MYO5A: variants seen among roughly 807,000 people sequenced by gnomAD.
MYO5A encodes the protein unconventional myosin-Va.
In MYO5A, 98 loss-of-function variants were observed where a neutral mutation model predicts 249.7. That is an observed-to-expected ratio of 0.39 (90% CI 0.33 to 0.46). The LOEUF (loss-of-function observed/expected upper bound fraction) is 0.46. MYO5A is among the 20% of genes least tolerant of loss of function. The pLI, the probability that MYO5A is intolerant of heterozygous loss-of-function variation, is 0.98. For synonymous variants in MYO5A, 778 were observed against 810.6 expected, an observed-to-expected ratio of 0.96 and a Z score of 0.68; for missense variants, 1,696 against 2,308.8, an observed-to-expected ratio of 0.73 and a Z score of 5.44.
intron 1 of MYO5A, among the ~76,000 whole-genome samples, chr15:52,500,855 C>CA (rs1432960629): frequency 2.0e-5 from 3 of 152,086 alleles, no homozygotes; most frequent in Non-Finnish European, 4.4e-5. Flanking sequence ...CTAATCCCAA[C>CA]ACCAAAAAAT....
In MYO5A at chr15:52,492,950, A is replaced by G. The variant is rs898938587; in HGVS notation, c.27+35830T>C. On this transcript the variant is annotated intron_variant, in intron 1 of 41. Transcript: ENST00000399233. ...TAAACATAGGAGAAAACTCAGAGATAGTGCTTAGGCTATGAGTCAACAGAG... is the reference window on the plus strand; with the variant it reads ...TAAACATAGGAGAAAACTCAGAGATGGTGCTTAGGCTATGAGTCAACAGAG... Among the ~76,000 whole-genome samples, 3 of 152,204 alleles carry G rather than the reference A, an allele frequency of 2.0e-5. No individual in the cohort carries two copies. In the South Asian group the frequency reaches 6.2e-4, roughly 31 times the overall value.
Position 52,528,821 on chromosome 15 carries a change from G to T in MYO5A, c.-15C>A. 2 of 1,486,322 alleles carry T rather than the reference G, an allele frequency of 1.3e-6. No homozygotes were observed. The highest frequency in any genetic ancestry group is 8.9e-7 in the Non-Finnish European group (1 of 1,124,162). The allele number at this position is 1,486,322 out of a possible 1,614,324, so 92.1% of individuals were successfully genotyped here. A position where few individuals can be genotyped will look rare whatever the true frequency, so the allele number is the denominator to read the frequency against. On this transcript the variant is annotated 5_prime_UTR_variant, in exon 1 of 42. Transcript: ENST00000399233. ...GACGCAGCCATGGCGGGCCCCGCGCGCCTACGCCCCCCGCCTGTGCGGAGG... is the reference window on the plus strand; with the variant it reads ...GACGCAGCCATGGCGGGCCCCGCGCTCCTACGCCCCCCGCCTGTGCGGAGG...
chr15:52,398,179 T>C (rs1595596440), intron 9 of MYO5A, among the ~76,000 whole-genome samples: 1 of 152,204 alleles, frequency 6.6e-6, no homozygotes, highest in East Asian at 1.9e-4. Flanking sequence ...CTTGAAGCAA[T>C]GGTAGGCCAC....
At chr15:52,449,803 C>T (rs1047555295) in intron 1 of MYO5A, among the ~76,000 whole-genome samples, 1 of 152,186 alleles carries the variant, frequency 6.6e-6, no homozygotes, top group African/African-American at 2.4e-5. Context: ...AGTTCAAGAT[C>T]AGCCTGGGCA....
chr15:52,463,488 T>C (rs1018990047), intron 1 of MYO5A, among the ~76,000 whole-genome samples: 1 of 152,178 alleles, frequency 6.6e-6, no homozygotes, highest in South Asian at 2.1e-4. Flanking sequence ...ATTATAAAAT[T>C]TCATTTTCCC....
At chr15:52,443,254 G>A (rs2075820680) in intron 1 of MYO5A, among the ~76,000 whole-genome samples, 1 of 152,062 alleles carries the variant, frequency 6.6e-6, no homozygotes. Flanking sequence ...AGAGAATGAA[G>A]GCTCTACCAA....
chr15:52,504,521 C>A (rs550815651), intron 1 of MYO5A, among the ~76,000 whole-genome samples: 2 of 152,320 alleles, frequency 1.3e-5, no homozygotes, highest in African/African-American at 4.8e-5. Context: ...ACCATATAGA[C>A]AAATTCTCCA....
intron 1 of MYO5A, among the ~76,000 whole-genome samples, chr15:52,440,424 C>T (rs571558116): frequency 2.6e-5 from 4 of 152,304 alleles, no homozygotes; most frequent in Admixed American, 2.0e-4. Flanking sequence ...TGCACCACAA[C>T]ACCTGGCTAA....
At position 52,328,053 on chromosome 15, in the gene MYO5A, C is replaced by A. The variant is rs372717558; in HGVS notation, c.4556-47G>T. ...TTTTATATAACATGGAAAATTTTCA[C>A]GAGGCATGCATTGTGAGATATAAAA... On this transcript the variant is annotated intron_variant, in intron 35 of 41. Coordinates refer to ENST00000399233, the MANE Select transcript of MYO5A (RefSeq NM_001382347.1). The A allele has an allele frequency of 3.4e-6, 5 of 1,479,750 alleles. No individual in the cohort carries two copies. The East Asian group carries it at 9.6e-5, about 28-fold the overall frequency. The allele number at this position is 1,479,750 out of a possible 1,614,324, so 91.7% of individuals were successfully genotyped here. A position where few individuals can be genotyped will look rare whatever the true frequency, so the allele number is the denominator to read the frequency against.
At chr15:52,522,650 G>A (rs900772955) in intron 1 of MYO5A, among the ~76,000 whole-genome samples, 4 of 152,006 alleles carry the variant, frequency 2.6e-5, no homozygotes, top group Admixed American at 2.6e-4. Flanking sequence ...CCCAATGGAG[G>A]CAAAATTCAT....
intron 32 of MYO5A, among the ~76,000 whole-genome samples, chr15:52,338,263 G>C (rs1326332450): frequency 6.8e-6 from 1 of 146,912 alleles, no homozygotes; most frequent in Non-Finnish European, 1.5e-5. Flanking sequence ...GCAGTGGCAA[G>C]AATAGGGGAG....
At chr15:52,519,190 G>GA (rs2077559965) in intron 1 of MYO5A, among the ~76,000 whole-genome samples, 1 of 152,152 alleles carries the variant, frequency 6.6e-6, no homozygotes, top group Non-Finnish European at 1.5e-5. Context: ...ATCTATGTAT[G>GA]AAAATAGGGG....
rs36207943 is a variant in MYO5A, at chr15:52,371,878, GTAATAATAATAATAA to G, written c.2817+231_2817+245del. On this transcript the variant is annotated intron_variant, in intron 21 of 41. Coordinates refer to ENST00000399233, the MANE Select transcript of MYO5A (RefSeq NM_001382347.1). ...GAGTGAGACCCTGTCTCAAATAATA[GTAATAATAATAATAA>G]TAATAATAATAATAATAATAATAAT... Among the ~76,000 whole-genome samples, 38,861 of 143,014 alleles carry G rather than the reference GTAATAATAATAATAA, an allele frequency of 0.27. 6,210 individuals carry two copies. Among genetic ancestry groups the G allele is most frequent in the East Asian group, 0.61 (3,035 of 4,986 alleles). 93.8% of individuals were successfully genotyped at this position (143,014 alleles called of 152,430 possible).
rs200036117 is a variant in MYO5A at position 52,416,277 on chromosome 15, G to T, written c.480C>A (p.Ile160=). ...MARDERNQSI[I]VSGESGAGKT... The stretch of plus-strand genomic sequence containing the variant: ...TTCCTGCCCCAGACTCTCCACTTAC[G>T]ATGATGGACTGATTTCGTTCATCTC... Residue 160 remains isoleucine (I), a synonymous_variant, in exon 5 of 42, where the codon ATC becomes ATA. Coordinates refer to ENST00000399233, the MANE Select transcript of MYO5A (RefSeq NM_001382347.1). 6.2e-7 allele frequency: 1 copy of T among 1,613,972 alleles called. No homozygotes were observed. Among genetic ancestry groups the T allele is most frequent in the Non-Finnish European group, 8.5e-7 (1 of 1,179,950 alleles).
Position 52,334,432 on chromosome 15 carries a change from C to T in MYO5A, c.4408+2031G>A, listed in dbSNP as rs149128804. Among the ~76,000 whole-genome samples the T allele has an allele frequency of 4.3e-4, 66 of 152,162 alleles. 1 individual carries two copies. The East Asian group carries it at 7.1e-3, about 16-fold the overall frequency. On this transcript the variant is annotated intron_variant, in intron 34 of 41. Transcript: ENST00000399233. ...TCTGAATAAAGATTTTTAAGTTCTG[C>T]TAATAGACATTATAGCTCATGTGTG...
At chr15:52,375,254 T>C (rs1346349695) in intron 20 of MYO5A, 50 bp downstream of exon 20, 1 of 1,588,894 alleles carries the variant, frequency 6.3e-7, no homozygotes, top group Admixed American at 1.7e-5. Flanking sequence ...GATGTGAAAT[T>C]TGGTTAATGC....
At chr15:52,463,237 A>G (rs2076287992) in intron 1 of MYO5A, among the ~76,000 whole-genome samples, 1 of 152,220 alleles carries the variant, frequency 6.6e-6, no homozygotes, top group South Asian at 2.1e-4. Context: ...CCAGATGTCA[A>G]GCCGGCATCC....
At chr15:52,428,043 C>G (rs1255883009) in intron 3 of MYO5A, among the ~76,000 whole-genome samples, 1 of 152,178 alleles carries the variant, frequency 6.6e-6, no homozygotes, top group African/African-American at 2.4e-5. Context: ...CACTAAATCT[C>G]TTGAACCTGC....
intron 1 of MYO5A, among the ~76,000 whole-genome samples, chr15:52,517,193 G>A (rs990474257): frequency 9.9e-5 from 15 of 152,148 alleles, no homozygotes; most frequent in African/African-American, 3.6e-4. Context: ...TGAAGTGAAT[G>A]TGAATGCCCT....
Sources: gnomAD v4.1 joint callset for allele counts (sites outside exome capture counted in the v4.1 genomes callset) on GRCh38, gnomAD v4.1.1 for gene constraint, MANE v1.5 for transcripts, NCBI Gene and HGNC (gene_info 2026-07-23, HGNC 2026-07-21) for gene names.